MYO1F: variants seen among roughly 807,000 people sequenced by gnomAD.
The protein encoded by MYO1F is unconventional myosin-If.
Under a neutral mutation model 146.6 loss-of-function variants are expected in MYO1F, and 60 were observed. The observed-to-expected ratio is 0.41, with a 90% CI of 0.33 to 0.51. The LOEUF (loss-of-function observed/expected upper bound fraction) is 0.51, where lower values mean the gene tolerates loss of function less well. Among genes scored for constraint, MYO1F ranks in the 20% least tolerant of loss-of-function variants. The probability of loss-of-function intolerance (pLI) is 0.25; values close to 1 mark genes in which losing one functional copy is unlikely to be tolerated. For synonymous variants in MYO1F, 602 were observed against 602.1 expected, an observed-to-expected ratio of 1.00 and a Z score of 0.00; for missense variants, 1,274 against 1,534.3, an observed-to-expected ratio of 0.83 and a Z score of 2.83.
chr19:8,547,591 G>A (rs1432743922), intron 12 of MYO1F, among the ~76,000 whole-genome samples: 10 of 140,958 alleles, frequency 7.1e-5, no homozygotes, highest in African/African-American at 2.1e-4. Context: ...GTGACAGAAC[G>A]AGACTTTGTC....
At chr19:8,571,179 G>A (rs1555731769) in intron 1 of MYO1F, among the ~76,000 whole-genome samples, 1 of 152,162 alleles carries the variant, frequency 6.6e-6, no homozygotes, top group Admixed American at 6.5e-5. Flanking sequence ...CAGGTCCTGC[G>A]AGCTGTGGTT....
intron 25 of MYO1F, among the ~76,000 whole-genome samples, chr19:8,523,232 A>C (rs1156903647): frequency 6.6e-6 from 1 of 152,028 alleles, no homozygotes; most frequent in Non-Finnish European, 1.5e-5. Flanking sequence ...ACGGAGTTTC[A>C]TCATGTTAGC....
At chr19:8,528,300 G>A (rs1164050453) in intron 21 of MYO1F, among the ~76,000 whole-genome samples, 1 of 152,070 alleles carries the variant, frequency 6.6e-6, no homozygotes, top group Non-Finnish European at 1.5e-5. Flanking sequence ...AGGCTGAGGT[G>A]GGTGGATCAC....
rs747069795 is a variant in MYO1F at position 8,522,477 on chromosome 19, C to T, written c.3120G>A (p.Arg1040=). ...GGGCCCGGCACCTGGGACCATGTGT[C>T]CGAGGCTGGGGCTTGGGTCGGCCCA... ...PGVGRPKPQP[R]THGPRCRALY... The change falls in exon 27 of 28, where the codon CGG becomes CGA. Residue 1040 remains arginine, a synonymous_variant. Transcript: ENST00000644032. The T allele has an allele frequency of 1.2e-6, 2 of 1,613,996 alleles. No homozygotes were observed. The highest frequency in any genetic ancestry group is 8.5e-7 in the Non-Finnish European group (1 of 1,179,992).
intron 1 of MYO1F, among the ~76,000 whole-genome samples, chr19:8,562,021 T>G (rs1974156181): frequency 6.6e-6 from 1 of 151,420 alleles, no homozygotes; most frequent in African/African-American, 2.4e-5. Context: ...GGCCCTTCCT[T>G]CCTTTTTCTT....
chr19:8,547,986 A>ACCCCCCCCCCCCCCC, intron 12 of MYO1F, 50 bp downstream of exon 12: 9 of 837,494 alleles, frequency 1.1e-5, no homozygotes, highest in East Asian at 2.6e-5. Context: ...TGGTCCTTCC[A>ACCCCCCCCCCCCCCC]CCCCACCCCC....
rs369189498 is a variant in MYO1F at position 8,526,858 on chromosome 19, A to C, written c.2552T>G (p.Phe851Cys). Residue 851 changes from phenylalanine (F) to cysteine (C), a missense_variant, in exon 23 of 28, where the codon TTT (phenylalanine) becomes TGT (cysteine). Transcript: ENST00000644032. The part of the protein sequence containing the change: ...SFLESVFKTE[F>C]VSLLCKRFEE... Reference sequence around the variant, plus strand: ...GAAGCGCTTGCACAGAAGGCTGACAAACTCGGTCTTGAAGACGCTCTCCAG... The same window carrying C: ...GAAGCGCTTGCACAGAAGGCTGACACACTCGGTCTTGAAGACGCTCTCCAG... The C allele has an allele frequency of 5.6e-6, 9 of 1,613,808 alleles. No homozygotes were observed. In the African/African-American group the frequency reaches 9.3e-5, roughly 17 times the overall value.
At chr19:8,548,374 G>A in intron 10 of MYO1F, 57 bp from the exon 11 acceptor site, 1 of 1,526,692 alleles carries the variant, frequency 6.6e-7, no homozygotes, top group East Asian at 2.3e-5. Flanking sequence ...TGAAGCCCCT[G>A]CCCACCACTC....
chr19:8,550,406 G>A (rs1490320917), intron 9 of MYO1F, 50 bp from the exon 10 acceptor site: 9 of 1,589,022 alleles, frequency 5.7e-6, no homozygotes, highest in Non-Finnish European at 7.7e-6. Flanking sequence ...TTGGGCTCTT[G>A]TGCCTCCTGC....
At chr19:8,561,602 CTT>C (rs558746294) in intron 1 of MYO1F, among the ~76,000 whole-genome samples, 1 of 132,164 alleles carries the variant, frequency 7.6e-6, no homozygotes, top group Non-Finnish European at 1.5e-5. Context: ...CCTCTCTTCT[CTT>C]TTTTCTTTCT....
In MYO1F at chr19:8,544,454, C is replaced by G; in HGVS notation, c.1367G>C (p.Gly456Ala). ...DLIENKLSPP[G>A]IMSVLDDVCA... ...CACGTCGTCCAAGACGCTCATGATG[C>G]CTGGGGGGCTCTGCGGGGCGAGCGG... Residue 456 changes from glycine to alanine, a missense_variant, in exon 14 of 28, where the codon GGC becomes GCC. Physicochemically the swap from Gly to Ala is moderately conservative, Grantham distance 60. This residue lies in a region of MYO1F where 900 missense variants were observed against 1,155.1 expected (regional missense o/e 0.78). Transcript: ENST00000644032. The G allele has an allele frequency of 6.2e-7, 1 of 1,610,380 alleles. No homozygotes were observed. The highest frequency in any genetic ancestry group is 1.1e-5 in the South Asian group (1 of 91,038).
intron 1 of MYO1F, among the ~76,000 whole-genome samples, chr19:8,567,398 GC>G (rs1351133522): frequency 6.6e-6 from 1 of 151,412 alleles, no homozygotes; most frequent in Non-Finnish European, 1.5e-5. Flanking sequence ...ACAAAGTCTT[GC>G]TCTGTTGCAC....
intron 19 of MYO1F, 121 bp downstream of exon 19, chr19:8,536,131 A>G (rs1204860968): frequency 1.4e-5 from 18 of 1,263,860 alleles, no homozygotes; most frequent in South Asian, 2.5e-5. Context: ...CAATTTCTCA[A>G]TCTATCAGTC....
chr19:8,561,600 CTCTTT>C (rs1974132586), intron 1 of MYO1F, among the ~76,000 whole-genome samples: 1 of 108,232 alleles, frequency 9.2e-6, no homozygotes, highest in Non-Finnish European at 1.7e-5. Context: ...TCCCTCTCTT[CTCTTT>C]TTTCTTTCTC....
At chr19:8,531,681 A>T (rs1972491781) in intron 19 of MYO1F, among the ~76,000 whole-genome samples, 1 of 152,202 alleles carries the variant, frequency 6.6e-6, no homozygotes, top group Non-Finnish European at 1.5e-5. Flanking sequence ...GCCACTTACT[A>T]CCTGTGTGCT....
intron 1 of MYO1F, among the ~76,000 whole-genome samples, chr19:8,560,817 C>A (rs1256551804): frequency 6.7e-6 from 1 of 150,198 alleles, no homozygotes. Context: ...CGGCTCACTG[C>A]AAGCTCTGTC....
chr19:8,528,482 T>G (rs1048065685), intron 21 of MYO1F, among the ~76,000 whole-genome samples: 2 of 148,892 alleles, frequency 1.3e-5, no homozygotes, highest in Non-Finnish European at 3.0e-5. Context: ...GAGCCGAGGT[T>G]GTGCCACTGC....
At chr19:8,540,675 A>G (rs147691828) in intron 15 of MYO1F, among the ~76,000 whole-genome samples, 1 of 149,044 alleles carries the variant, frequency 6.7e-6, no homozygotes, top group Admixed American at 6.9e-5. Flanking sequence ...GTGCCACTGC[A>G]CTCCAGCCTG....
At chr19:8,540,095 G>A in intron 15 of MYO1F, 67 bp from the exon 16 acceptor site, 1 of 1,340,824 alleles carries the variant, frequency 7.5e-7, no homozygotes, top group Admixed American at 1.9e-5. Flanking sequence ...TTCCTCCAGG[G>A]GTGGGGCAGC....
Sources: gnomAD v4.1 joint callset for allele counts (sites outside exome capture counted in the v4.1 genomes callset) on GRCh38, gnomAD v4.1.1 for gene constraint, gnomAD v4.1.1 regional missense constraint, MANE v1.5 for transcripts, NCBI Gene and HGNC (gene_info 2026-07-23, HGNC 2026-07-21) for gene names.